Variants in LINGO3 observed in about 807,000 individuals in gnomAD.
LINGO3 encodes the protein leucine-rich repeat and immunoglobulin-like domain-containing nogo receptor-interacting protein 3.
For missense variants in LINGO3, 750 were observed against 867.7 expected, an observed-to-expected ratio of 0.86 and a Z score of 1.70; for synonymous variants, 427 against 444.2, an observed-to-expected ratio of 0.96 and a Z score of 0.49.
At chr19:2,306,134 T>G in the LINGO3 span, among the ~76,000 whole-genome samples, 1 of 152,156 alleles carries the variant, frequency 6.6e-6, no homozygotes, top group Non-Finnish European at 1.5e-5. Flanking sequence ...ACCGGCCACT[T>G]CACCCACTAG....
chr19:2,302,914 C>A, the LINGO3 span, among the ~76,000 whole-genome samples: 5 of 152,246 alleles, frequency 3.3e-5, no homozygotes, highest in Admixed American at 2.0e-4. Flanking sequence ...TCTTCCTAAG[C>A]CCCAGCATGT....
upstream of LINGO3, among the ~76,000 whole-genome samples, chr19:2,292,717 T>C (rs2025537932): frequency 2.0e-5 from 3 of 152,102 alleles, no homozygotes; most frequent in South Asian, 6.2e-4. Context: ...CTCAAACTCC[T>C]GACCTCAGGT....
chr19:2,290,964 G>A lies in LINGO3; in HGVS notation c.813C>T (p.His271=). 1 of 1,611,920 alleles carries A rather than the reference G, an allele frequency of 6.2e-7. No homozygotes were observed. Among genetic ancestry groups the A allele is most frequent in the Non-Finnish European group, 8.5e-7 (1 of 1,179,534 alleles). Residue 271 remains histidine, a synonymous_variant, in exon 1 of 1, where the codon CAC becomes CAT. Coordinates refer to ENST00000585527, the Ensembl canonical transcript of LINGO3. This position sits in a 1 kb window ranked among gnomAD's most constrained non-coding sequence, Gnocchi z 6.0. Reference sequence around the variant, plus strand: ...TGTGCGACAGATTGAGGCAGGTGAGGTGCGCCTGGTGCCGCAGCGCGGCGG... The same window carrying A: ...TGTGCGACAGATTGAGGCAGGTGAGATGCGCCTGGTGCCGCAGCGCGGCGG...
exon 1 of LINGO3, chr19:2,291,863 C>A (rs1785836547): frequency 1.7e-6 from 2 of 1,205,668 alleles, no homozygotes; most frequent in Middle Eastern, 2.6e-4. Context: ...GCACCGTTAG[C>A]ACCCCTCCGC....
chr19:2,300,125 G>A, the LINGO3 span, among the ~76,000 whole-genome samples: 5 of 146,494 alleles, frequency 3.4e-5, no homozygotes, highest in South Asian at 2.3e-4. Flanking sequence ...TTCGCCTCCC[G>A]GGTTCAAGGG....
chr19:2,288,729 G>A (rs2025488090), downstream of LINGO3, among the ~76,000 whole-genome samples: 4 of 152,304 alleles, frequency 2.6e-5, no homozygotes, highest in Admixed American at 2.6e-4. The surrounding 1 kb of genome is among the most constrained non-coding windows in gnomAD (Gnocchi z 6.5). Context: ...TGTGTGCTGG[G>A]TCCTCAGCAA....
chr19:2,293,139 A>G (rs1055314223), upstream of LINGO3, among the ~76,000 whole-genome samples: 3 of 151,828 alleles, frequency 2.0e-5, no homozygotes, highest in Non-Finnish European at 4.4e-5. Context: ...ATCTCACCTC[A>G]CTGCAAGCTC....
chr19:2,301,316 A>G, the LINGO3 span, among the ~76,000 whole-genome samples: 1 of 148,456 alleles, frequency 6.7e-6, no homozygotes, highest in African/African-American at 2.5e-5. Context: ...CCCCATGGAC[A>G]TCTTATGTGG....
At chr19:2,296,021 C>T (rs186251423), upstream of LINGO3, among the ~76,000 whole-genome samples, 3 of 152,136 alleles carry the variant, frequency 2.0e-5, 1 homozygote, top group South Asian at 2.1e-4. Flanking sequence ...GCATGCCCCC[C>T]CCAACCCCGG....
At chr19:2,287,583 C>A (rs1438975432), downstream of LINGO3, among the ~76,000 whole-genome samples, 2 of 152,220 alleles carry the variant, frequency 1.3e-5, no homozygotes, top group Non-Finnish European at 2.9e-5. The surrounding 1 kb of genome is among the most constrained non-coding windows in gnomAD (Gnocchi z 4.5). Context: ...TTGTCTCCTT[C>A]CAGCTCCTTC....
In LINGO3 at chr19:2,290,632, G is replaced by C. The variant is rs923615275; in HGVS notation, c.1145C>G (p.Pro382Arg). 1.9e-6 allele frequency: 3 copies of C among 1,597,824 alleles called. No individual in the cohort carries two copies. In the African/African-American group the frequency reaches 4.0e-5, roughly 21 times the overall value. Residue 382 changes from proline (P) to arginine (R), a missense_variant, in exon 1 of 1, where the codon CCG becomes CGG. Physicochemically the swap from Pro to Arg is moderately radical, Grantham distance 103. Transcript: ENST00000585527. The surrounding 1 kb of genome is among the most constrained non-coding windows in gnomAD (Gnocchi z 6.0). The stretch of plus-strand genomic sequence containing the variant: ...CAGCGCGTCGCCGCGCACCTCGGCC[G>C]GGGTGGCGCAGGCCGGCAGCCGCCC...
chr19:2,291,629 C>T, exon 1 of LINGO3: 12 of 1,453,478 alleles, frequency 8.3e-6, no homozygotes, highest in Non-Finnish European at 9.9e-6. Flanking sequence ...GGGATGCCGT[C>T]GGGCACGGCG....
At chr19:2,300,329 GC>G in the LINGO3 span, among the ~76,000 whole-genome samples, 2 of 151,956 alleles carry the variant, frequency 1.3e-5, no homozygotes, top group Admixed American at 1.3e-4. Context: ...ACTGCGCCCG[GC>G]CCCAGGCTGA....
exon 1 of LINGO3, chr19:2,291,428 T>C: frequency 9.3e-6 from 15 of 1,612,650 alleles, no homozygotes; most frequent in Non-Finnish European, 1.3e-5. Flanking sequence ...CCGGGCGGGA[T>C]GAGCTTCAGC....
chr19:2,287,436 T>A (rs927486426), downstream of LINGO3, among the ~76,000 whole-genome samples: 22 of 152,068 alleles, frequency 1.4e-4, no homozygotes, highest in Non-Finnish European at 2.6e-4. The surrounding 1 kb of genome is among the most constrained non-coding windows in gnomAD (Gnocchi z 4.5). Context: ...AAGAAAAAAA[T>A]TGGTTCTGCC....
upstream of LINGO3, among the ~76,000 whole-genome samples, chr19:2,295,462 C>T (rs1269058609): frequency 2.6e-5 from 4 of 152,198 alleles, no homozygotes; most frequent in South Asian, 2.1e-4. Context: ...TTGCCCGGCG[C>T]GGTGGCTCAC....
In LINGO3 at chr19:2,290,633, G is replaced by C. The variant is rs1282921099; in HGVS notation, c.1144C>G (p.Pro382Ala). The change falls in exon 1 of 1, where the codon CCG becomes GCG. Residue 382 changes from proline (P) to alanine (A), a missense_variant. Physicochemically the swap from Pro to Ala is conservative, Grantham distance 27. Coordinates refer to ENST00000585527, the Ensembl canonical transcript of LINGO3. This position sits in a 1 kb window ranked among gnomAD's most constrained non-coding sequence, Gnocchi z 6.0. ...AGCGCGTCGCCGCGCACCTCGGCCG[G>C]GGTGGCGCAGGCCGGCAGCCGCCCG... The C allele has an allele frequency of 6.3e-7, 1 of 1,598,332 alleles. No homozygotes were observed. The highest frequency in any genetic ancestry group is 1.3e-5 in the African/African-American group (1 of 74,630).
exon 1 of LINGO3, chr19:2,291,536 C>T: frequency 6.2e-7 from 1 of 1,603,604 alleles, no homozygotes; most frequent in East Asian, 2.2e-5. Context: ...TCCAGCTCCT[C>T]CAGCGCGGGC....
At chr19:2,306,355 C>T in the LINGO3 span, among the ~76,000 whole-genome samples, 2 of 152,148 alleles carry the variant, frequency 1.3e-5, no homozygotes, top group African/African-American at 2.4e-5. Context: ...TGGTGGTGGG[C>T]GGCTTGATGG....
Sources: gnomAD v4.1 joint callset for allele counts (sites outside exome capture counted in the v4.1 genomes callset) on GRCh38, gnomAD v4.1.1 for gene constraint, Gnocchi (gnomAD v3.1) non-coding constraint, MANE v1.5 for transcripts, NCBI Gene and HGNC (gene_info 2026-07-23, HGNC 2026-07-21) for gene names.